Variants in CEP192 observed in about 807,000 individuals in gnomAD.
The protein encoded by CEP192 is centrosomal protein 192.
CEP192 carries 151 observed loss-of-function variants against 271.8 expected under a neutral mutation model. The ratio of observed to expected loss-of-function variants is 0.56; its 90% CI spans 0.49 to 0.64. The LOEUF (loss-of-function observed/expected upper bound fraction) is 0.64, where lower values mean the gene tolerates loss of function less well. Among genes scored for constraint, CEP192 ranks in the 30% least tolerant of loss-of-function variants. The pLI is 0.00. For synonymous variants in CEP192, 995 were observed against 1,076.5 expected, an observed-to-expected ratio of 0.92 and a Z score of 1.48; for missense variants, 2,910 against 3,020.5, an observed-to-expected ratio of 0.96 and a Z score of 0.86.
At chr18:13,010,543 T>C (rs919310215) in intron 4 of CEP192, among the ~76,000 whole-genome samples, 4 of 152,064 alleles carry the variant, frequency 2.6e-5, no homozygotes, top group Admixed American at 2.0e-4. Context: ...CAAAAGACAC[T>C]ATCAAGAAAG....
intron 21 of CEP192, among the ~76,000 whole-genome samples, chr18:13,063,627 AGATGGG>A (rs2037526523): frequency 6.6e-6 from 1 of 152,126 alleles, no homozygotes; most frequent in Non-Finnish European, 1.5e-5. Context: ...ATCCCTTGTC[AGATGGG>A]TAGTTTGCAA....
At position 13,099,472 on chromosome 18, in the gene CEP192, A is replaced by G; in HGVS notation, c.6558-4A>G. 1 of 1,436,552 alleles carries G rather than the reference A, an allele frequency of 7.0e-7. No individual in the cohort carries two copies. The highest frequency in any genetic ancestry group is 9.6e-7 in the Non-Finnish European group (1 of 1,043,740). The allele number at this position is 1,436,552 out of a possible 1,614,324, so 89.0% of individuals were successfully genotyped here. A position where few individuals can be genotyped will look rare whatever the true frequency, so the allele number is the denominator to read the frequency against. On this transcript the variant is annotated splice_region_variant and splice_polypyrimidine_tract_variant and intron_variant, in intron 36 of 44. Transcript: ENST00000506447. ...TTTAATTTTCTTATTAATTTTTTTT[A>G]AAGGAGTAAACTACAAATTCTTGTG...
chr18:13,078,083 C>T (rs2038385683), intron 30 of CEP192, among the ~76,000 whole-genome samples: 1 of 152,192 alleles, frequency 6.6e-6, no homozygotes. Flanking sequence ...TATTCCTCCC[C>T]TAGTCCCTCA....
chr18:13,079,650 A>G (rs918186701), intron 30 of CEP192, among the ~76,000 whole-genome samples: 5 of 151,912 alleles, frequency 3.3e-5, no homozygotes, highest in African/African-American at 1.2e-4. Flanking sequence ...ATTAGATCCC[A>G]TTTGTCTATT....
chr18:13,053,160 C>G, intron 18 of CEP192, 70 bp downstream of exon 18: 1 of 1,291,820 alleles, frequency 7.7e-7, no homozygotes, highest in Non-Finnish European at 1.1e-6. Context: ...ATGTTTGATT[C>G]AGACTACAGT....
Position 13,017,231 on chromosome 18 carries a change from G to A in CEP192, c.684G>A (p.Glu228=), listed in dbSNP as rs1379137201. ...DDEMFYDDHL[E]AYFEQLAIPG... The stretch of plus-strand genomic sequence containing the variant: ...AAATGTTTTATGATGATCATTTGGA[G>A]GCTTATTTTGAACAACTGGCAATTC... Residue 228 remains glutamate, a synonymous_variant, in exon 7 of 45, where the codon GAG becomes GAA. Transcript: ENST00000506447. 1.9e-6 allele frequency: 3 copies of A among 1,549,504 alleles called. No homozygotes were observed. Among genetic ancestry groups the A allele is most frequent in the Non-Finnish European group, 2.6e-6 (3 of 1,146,008 alleles).
At chr18:13,000,236 A>G (rs1050326595) in intron 2 of CEP192, 4 of 150,010 alleles carry the variant, frequency 2.7e-5, no homozygotes, top group Non-Finnish European at 5.9e-5. Context: ...GGTATTACAC[A>G]GGTGTGAGCT....
At chr18:13,033,630 TTGTC>T (rs1310395128) in intron 11 of CEP192, among the ~76,000 whole-genome samples, 1 of 152,212 alleles carries the variant, frequency 6.6e-6, no homozygotes, top group African/African-American at 2.4e-5. Flanking sequence ...ACTTGCAGCA[TTGTC>T]TGTGATAACA....
At chr18:13,012,320 C>T (rs566918816) in intron 4 of CEP192, among the ~76,000 whole-genome samples, 24 of 152,066 alleles carry the variant, frequency 1.6e-4, no homozygotes, top group Admixed American at 5.9e-4. Context: ...AAAAAACTTC[C>T]CATGTACCTA....
At chr18:13,110,251 A>G (rs2040148781) in intron 40 of CEP192, among the ~76,000 whole-genome samples, 1 of 152,238 alleles carries the variant, frequency 6.6e-6, no homozygotes, top group Non-Finnish European at 1.5e-5. Flanking sequence ...ATAGATATAC[A>G]AGAGACCTAG....
intron 39 of CEP192, 171 bp downstream of exon 39, chr18:13,103,759 C>T: frequency 4.6e-6 from 3 of 657,032 alleles, no homozygotes; most frequent in Non-Finnish European, 8.3e-6. Context: ...GGTATGAACA[C>T]TGCTCACTGC....
chr18:13,100,241 G>A, intron 37 of CEP192, 64 bp from the exon 38 acceptor site: 1 of 1,095,466 alleles, frequency 9.1e-7, no homozygotes, highest in Non-Finnish European at 1.4e-6. Context: ...GTTTAAAAAT[G>A]GAATTGTTTC....
At chr18:12,994,868 G>A (rs1394036542) in intron 1 of CEP192, among the ~76,000 whole-genome samples, 1 of 152,090 alleles carries the variant, frequency 6.6e-6, no homozygotes, top group Non-Finnish European at 1.5e-5. Context: ...AGAATCCTGG[G>A]TAACCCTAAC....
At chr18:13,004,309 T>TG (rs919562987) in intron 3 of CEP192, among the ~76,000 whole-genome samples, 12 of 151,976 alleles carry the variant, frequency 7.9e-5, no homozygotes, top group African/African-American at 2.9e-4. Flanking sequence ...CTTTTTTTTT[T>TG]TGTGGTGGGA....
chr18:13,118,431 C>G (rs910780804), intron 44 of CEP192, among the ~76,000 whole-genome samples: 1 of 152,198 alleles, frequency 6.6e-6, no homozygotes, highest in African/African-American at 2.4e-5. Context: ...AAGCTCACAG[C>G]CCTGGATACT....
intron 30 of CEP192, among the ~76,000 whole-genome samples, chr18:13,084,910 T>C (rs1035516265): frequency 2.0e-5 from 3 of 151,188 alleles, no homozygotes; most frequent in Admixed American, 2.0e-4. Context: ...GCCTCCCGGG[T>C]TCAAGCGATT....
intron 1 of CEP192, among the ~76,000 whole-genome samples, chr18:12,997,468 A>T (rs2033328214): frequency 6.6e-6 from 1 of 152,220 alleles, no homozygotes; most frequent in Non-Finnish European, 1.5e-5. Flanking sequence ...TTACTTTCCA[A>T]GGAAAAAATG....
intron 30 of CEP192, among the ~76,000 whole-genome samples, chr18:13,082,124 C>A (rs921716484): frequency 6.6e-6 from 1 of 152,008 alleles, no homozygotes; most frequent in Non-Finnish European, 1.5e-5. Flanking sequence ...ATTAGGTCCT[C>A]TTGGTGCAGA....
chr18:13,024,613 C>T (rs1469699915), intron 9 of CEP192, among the ~76,000 whole-genome samples: 3 of 151,954 alleles, frequency 2.0e-5, no homozygotes, highest in Non-Finnish European at 4.4e-5. Flanking sequence ...CAGGCATGCA[C>T]CACCATGCCC....
Sources: allele counts gnomAD v4.1 joint callset (sites outside exome capture counted in the v4.1 genomes callset), GRCh38; gene constraint gnomAD v4.1.1; transcripts MANE v1.5; gene names NCBI Gene and HGNC (gene_info 2026-07-23, HGNC 2026-07-21).